Variants in NAALADL2 observed in about 807,000 individuals in gnomAD.
NAALADL2 encodes the protein inactive N-acetylated-alpha-linked acidic dipeptidase-like protein 2.
In NAALADL2, 76 loss-of-function variants were observed where a neutral mutation model predicts 87.2. The observed-to-expected ratio is 0.87, with a 90% confidence interval of 0.72 to 1.05. The LOEUF (loss-of-function observed/expected upper bound fraction) is 1.05. Among genes scored for constraint, NAALADL2 ranks in the 50% least tolerant of loss-of-function variants. The pLI is 0.00. For missense variants in NAALADL2, 1,089 were observed against 945.8 expected (o/e 1.15, Z -1.99); for synonymous variants, 354 against 331.0 (o/e 1.07, Z -0.75).
At chr3:174,868,460 A>G (rs1224633367) in intron 1 of NAALADL2, among the ~76,000 whole-genome samples, 2 of 152,156 alleles carry the variant, frequency 1.3e-5, no homozygotes, top group Non-Finnish European at 2.9e-5. Flanking sequence ...CACTTGATAA[A>G]TGTTTTTTCT....
chr3:174,545,881 C>G (rs1165770749), intron 1 of NAALADL2, among the ~76,000 whole-genome samples: 1 of 149,848 alleles, frequency 6.7e-6, no homozygotes, highest in African/African-American at 2.4e-5. Flanking sequence ...GTGATTATTC[C>G]TATTGTATGG....
chr3:175,588,079 C>A (rs1720799602), intron 10 of NAALADL2, among the ~76,000 whole-genome samples: 1 of 144,816 alleles, frequency 6.9e-6, no homozygotes, highest in African/African-American at 2.6e-5. Flanking sequence ...CTTTGAAAAA[C>A]CTTGGGGTAA....
intron 1 of NAALADL2, among the ~76,000 whole-genome samples, chr3:174,997,290 C>T (rs1285465672): frequency 6.6e-6 from 1 of 151,936 alleles, no homozygotes; most frequent in African/African-American, 2.4e-5. Flanking sequence ...ACATTCCCAC[C>T]AGCAGTGTAA....
chr3:174,443,999 T>C (rs1714859677), intron 1 of NAALADL2, among the ~76,000 whole-genome samples: 2 of 144,748 alleles, frequency 1.4e-5, no homozygotes, highest in Admixed American at 1.4e-4. Context: ...ATACATCACT[T>C]GAATATTTTT....
chr3:174,737,870 A>G (rs1029369578), intron 3 of NAALADL2: 9 of 152,204 alleles, frequency 5.9e-5, no homozygotes, highest in African/African-American at 2.2e-4. Flanking sequence ...GAAGACTGCA[A>G]GCATTATTCT....
At chr3:174,479,816 T>C (rs902445330) in intron 1 of NAALADL2, among the ~76,000 whole-genome samples, 1 of 152,098 alleles carries the variant, frequency 6.6e-6, no homozygotes, top group African/African-American at 2.4e-5. Context: ...GTGTTTTTTT[T>C]TCTCAAATAG....
chr3:174,647,340 T>C (rs936230466), intron 2 of NAALADL2, among the ~76,000 whole-genome samples: 1 of 152,148 alleles, frequency 6.6e-6, no homozygotes, highest in Admixed American at 6.6e-5. Flanking sequence ...ATCAGATGCC[T>C]GCACTGGCTT....
chr3:175,306,080 T>C (rs1757684264), intron 4 of NAALADL2, among the ~76,000 whole-genome samples: 2 of 152,078 alleles, frequency 1.3e-5, no homozygotes, highest in Non-Finnish European at 2.9e-5. Flanking sequence ...TGTAAAAATG[T>C]ATATGTTTTA....
chr3:175,384,196 T>G (rs1054951907), intron 5 of NAALADL2, among the ~76,000 whole-genome samples: 3 of 152,078 alleles, frequency 2.0e-5, no homozygotes, highest in Non-Finnish European at 1.5e-5. Context: ...GTTTACGAGC[T>G]GCATAATTCT....
intron 1 of NAALADL2, among the ~76,000 whole-genome samples, chr3:174,520,554 A>G (rs1720211000): frequency 6.6e-6 from 1 of 152,192 alleles, no homozygotes; most frequent in South Asian, 2.1e-4. Flanking sequence ...TTATACAAAA[A>G]TTAAGTTGGA....
intron 5 of NAALADL2, among the ~76,000 whole-genome samples, chr3:175,416,440 C>A (rs2149106976): frequency 6.6e-6 from 1 of 152,188 alleles, no homozygotes; most frequent in African/African-American, 2.4e-5. Context: ...ATCACCACTT[C>A]CTTACTGGAA....
At chr3:174,980,776 T>C (rs922347483) in intron 1 of NAALADL2, among the ~76,000 whole-genome samples, 7 of 152,040 alleles carry the variant, frequency 4.6e-5, no homozygotes, top group Admixed American at 3.3e-4. Flanking sequence ...ATTATACTTG[T>C]TCGATATGCT....
intron 1 of NAALADL2, among the ~76,000 whole-genome samples, chr3:174,522,953 A>AAAAAG (rs1560029088): frequency 5.4e-5 from 8 of 148,818 alleles, no homozygotes; most frequent in African/African-American, 7.4e-5. Flanking sequence ...AAAAAAAAAA[A>AAAAAG]AAAAGAAAAA....
intron 9 of NAALADL2, among the ~76,000 whole-genome samples, chr3:175,527,814 T>G (rs1296330698): frequency 6.6e-6 from 1 of 152,206 alleles, no homozygotes; most frequent in African/African-American, 2.4e-5. Context: ...GCATATTTGT[T>G]ATATCACATA....
chr3:174,548,656 C>T (rs941568860), intron 1 of NAALADL2, among the ~76,000 whole-genome samples: 2 of 152,110 alleles, frequency 1.3e-5, no homozygotes, highest in Non-Finnish European at 1.5e-5. Context: ...ACGGTGCTAA[C>T]AGGATAGAAT....
At chr3:175,206,295 TG>T (rs1740875474) in intron 2 of NAALADL2, among the ~76,000 whole-genome samples, 1 of 124,582 alleles carries the variant, frequency 8.0e-6, no homozygotes, top group African/African-American at 3.7e-5. Flanking sequence ...TGTATGTATG[TG>T]TATATATATA....
intron 4 of NAALADL2, among the ~76,000 whole-genome samples, chr3:175,301,723 C>T (rs1481971875): frequency 2.6e-5 from 4 of 152,094 alleles, no homozygotes; most frequent in Non-Finnish European, 5.9e-5. Flanking sequence ...CCAAAATAAT[C>T]CTCTCGTTTT....
rs148467071 is a variant in NAALADL2, at chr3:174,811,287, C to A, written c.-9+73541C>A. Among the ~76,000 whole-genome samples, 977 of 152,290 alleles carry A rather than the reference C, an allele frequency of 6.4e-3. 9 individuals are homozygous for A. The highest frequency in any genetic ancestry group is 0.024 in the Middle Eastern group (7 of 294). On this transcript the variant is annotated intron_variant, in intron 3 of 3. Transcript: ENST00000434257. ...ATGGTAGATCTACCAACAGCTGGCA[C>A]CTTGCACCTGGAAAAGCCACAGGTA...
At position 175,059,833 on chromosome 3, in the gene NAALADL2, C is replaced by T. The variant is rs535022937; in HGVS notation, c.44-36957C>T. ...GTTTCTTCACTCCTGGAAGGCTGGC[C>T]TTTTCTTTTCATGAGAATTGATGTG... On this transcript the variant is annotated intron_variant, in intron 1 of 13. Coordinates refer to ENST00000454872, the MANE Select transcript of NAALADL2 (RefSeq NM_207015.3). 135 of 311,438 alleles carry T rather than the reference C, an allele frequency of 4.3e-4. 1 individual carries two copies. Among genetic ancestry groups the T allele is most frequent in the African/African-American group, 2.7e-3 (118 of 44,212 alleles). The allele number at this position is 311,438 out of a possible 1,614,324, so 19.3% of individuals were successfully genotyped here. A position where few individuals can be genotyped will look rare whatever the true frequency, so the allele number is the denominator to read the frequency against.
Sources: allele counts gnomAD v4.1 joint callset (sites outside exome capture counted in the v4.1 genomes callset), GRCh38; gene constraint gnomAD v4.1.1; transcripts MANE v1.5; gene names NCBI Gene and HGNC (gene_info 2026-07-23, HGNC 2026-07-21).